Variants in SORCS2 observed in about 807,000 individuals in gnomAD.
SORCS2 encodes sortilin related VPS10 domain containing receptor 2, also known as VPS10 domain-containing receptor SorCS2.
Under a neutral mutation model 141.6 loss-of-function variants are expected in SORCS2, and 100 were observed. The observed-to-expected ratio is 0.71, with a 90% confidence interval of 0.60 to 0.83. SORCS2 has a LOEUF of 0.83. Among genes scored for constraint, SORCS2 ranks in the 40% least tolerant of loss-of-function variants. SORCS2 has a pLI of 0.00. For missense variants in SORCS2, 1,646 were observed against 1,560.2 expected (o/e 1.05, Z -0.93); for synonymous variants, 789 against 676.9 (o/e 1.17, Z -2.57).
intron 2 of SORCS2, among the ~76,000 whole-genome samples, chr4:7,466,632 C>T (rs1729633545): frequency 6.6e-6 from 1 of 152,166 alleles, no homozygotes; most frequent in Admixed American, 6.5e-5. Flanking sequence ...GAGGTGGGCA[C>T]CTTGGCCCAG....
intron 2 of SORCS2, among the ~76,000 whole-genome samples, chr4:7,514,777 C>A (rs1732874289): frequency 6.6e-6 from 1 of 152,138 alleles, no homozygotes; most frequent in Non-Finnish European, 1.5e-5. Flanking sequence ...TCAGGTCAGT[C>A]ACGTAGGCCC....
intron 2 of SORCS2, among the ~76,000 whole-genome samples, chr4:7,520,627 C>A (rs1733269315): frequency 6.6e-6 from 1 of 152,180 alleles, no homozygotes; most frequent in African/African-American, 2.4e-5. Flanking sequence ...CGGCTCAGGG[C>A]GTGGATGCAG....
intron 1 of SORCS2, among the ~76,000 whole-genome samples, chr4:7,218,546 C>A (rs1011671788): frequency 6.6e-6 from 1 of 152,152 alleles, no homozygotes; most frequent in African/African-American, 2.4e-5. Context: ...AAAATGATTC[C>A]TTGAGAAGCC....
At chr4:7,453,330 G>C (rs1233155705) in intron 2 of SORCS2, among the ~76,000 whole-genome samples, 1 of 142,576 alleles carries the variant, frequency 7.0e-6, no homozygotes, top group Non-Finnish European at 1.5e-5. Flanking sequence ...GTCAGGCACT[G>C]TGTTGGGGTC....
At chr4:7,305,272 C>T (rs1288940001) in intron 1 of SORCS2, among the ~76,000 whole-genome samples, 2 of 152,158 alleles carry the variant, frequency 1.3e-5, no homozygotes, top group African/African-American at 4.8e-5. Context: ...ACCTCGTGAT[C>T]TGCCCGCCTC....
intron 3 of SORCS2, among the ~76,000 whole-genome samples, chr4:7,570,893 C>T (rs1163679647): frequency 6.6e-6 from 1 of 152,112 alleles, no homozygotes; most frequent in African/African-American, 2.4e-5. Context: ...CATTGTCATC[C>T]AACAAGCTGG....
At chr4:7,382,426 G>T (rs1190450702) in intron 1 of SORCS2, among the ~76,000 whole-genome samples, 1 of 152,090 alleles carries the variant, frequency 6.6e-6, no homozygotes, top group East Asian at 1.9e-4. Context: ...GCAGAGAACA[G>T]GCCCCTCCTG....
intron 12 of SORCS2, among the ~76,000 whole-genome samples, chr4:7,700,522 GTTC>G (rs1293029498): frequency 1.3e-5 from 2 of 152,168 alleles, no homozygotes; most frequent in Non-Finnish European, 2.9e-5. Flanking sequence ...ACTGTGGAAC[GTTC>G]TTCTTCATAG....
At chr4:7,351,257 C>G (rs1405749283) in intron 1 of SORCS2, among the ~76,000 whole-genome samples, 2 of 152,190 alleles carry the variant, frequency 1.3e-5, no homozygotes, top group Non-Finnish European at 2.9e-5. Context: ...CATAAAGCGG[C>G]AGAACAGAGA....
At chr4:7,721,046 T>C (rs752733519) in intron 18 of SORCS2, among the ~76,000 whole-genome samples, 1 of 152,240 alleles carries the variant, frequency 6.6e-6, no homozygotes, top group African/African-American at 2.4e-5. Context: ...TGTCTGTTCA[T>C]AGCAGTGTTA....
chr4:7,285,799 G>A (rs951086234), intron 1 of SORCS2, among the ~76,000 whole-genome samples: 2 of 152,324 alleles, frequency 1.3e-5, no homozygotes, highest in African/African-American at 2.4e-5. Context: ...TGCTAAGTCC[G>A]AGGGTGCGGG....
intron 14 of SORCS2, among the ~76,000 whole-genome samples, chr4:7,706,107 T>C (rs376785241): frequency 0.014 from 1,704 of 121,322 alleles, 170 homozygotes; most frequent in East Asian, 0.097. Flanking sequence ...GGCTGGGCTC[T>C]GTCTGGGCAG....
At chr4:7,665,844 G>A (rs914415545) in intron 7 of SORCS2, among the ~76,000 whole-genome samples, 4 of 152,134 alleles carry the variant, frequency 2.6e-5, no homozygotes, top group Non-Finnish European at 4.4e-5. Context: ...AGACAGGCTC[G>A]CCTGTCAAAG....
intron 1 of SORCS2, among the ~76,000 whole-genome samples, chr4:7,277,482 C>T (rs9999545): frequency 6.6e-6 from 1 of 151,952 alleles, no homozygotes; most frequent in African/African-American, 2.4e-5. Context: ...AGGAGTCCTG[C>T]GGAGACAGTA....
chr4:7,635,690 C>T (rs1233935548), intron 3 of SORCS2, among the ~76,000 whole-genome samples: 1 of 152,186 alleles, frequency 6.6e-6, no homozygotes, highest in Non-Finnish European at 1.5e-5. Flanking sequence ...CAAAGCCTCC[C>T]CTAACCAGCC....
At chr4:7,362,577 C>T (rs892148289) in intron 1 of SORCS2, among the ~76,000 whole-genome samples, 1 of 152,132 alleles carries the variant, frequency 6.6e-6, no homozygotes, top group Non-Finnish European at 1.5e-5. Context: ...AAGGCCTAGA[C>T]CCCAGGAAGA....
chr4:7,674,805 GAAA>G (rs113543508), intron 8 of SORCS2, among the ~76,000 whole-genome samples: 1 of 112,640 alleles, frequency 8.9e-6, no homozygotes, highest in Non-Finnish European at 2.1e-5. Context: ...TTATTGTACA[GAAA>G]AAAAAAAAAA....
intron 2 of SORCS2, chr4:7,433,247 A>T: frequency 7.6e-7 from 1 of 1,309,122 alleles, no homozygotes; most frequent in Non-Finnish European, 9.7e-7. Context: ...CATTTGTGAA[A>T]TGGGGATGGG....
chr4:7,528,061 C>A (rs1733810116), intron 2 of SORCS2, among the ~76,000 whole-genome samples: 1 of 150,794 alleles, frequency 6.6e-6, no homozygotes, highest in African/African-American at 2.5e-5. Flanking sequence ...CTGTCTCTCT[C>A]TCCCCCCAAC....
Sources: gnomAD v4.1 joint callset for allele counts (sites outside exome capture counted in the v4.1 genomes callset) on GRCh38, gnomAD v4.1.1 for gene constraint, MANE v1.5 for transcripts, NCBI Gene and HGNC (gene_info 2026-07-23, HGNC 2026-07-21) for gene names.